The following CCDC141 variants were observed in gnomAD, a reference collection of about 807,000 sequenced individuals.
CCDC141 encodes coiled-coil domain containing 141, also known as coiled-coil domain-containing protein 141.
Under a neutral mutation model 181.0 loss-of-function variants are expected in CCDC141, and 168 were observed. The observed-to-expected ratio is 0.93, with a 90% CI of 0.82 to 1.05. The LOEUF (loss-of-function observed/expected upper bound fraction) is 1.05, where lower values mean the gene tolerates loss of function less well. Among genes scored for constraint, CCDC141 ranks in the 50% least tolerant of loss-of-function variants. The pLI is 0.00. For missense variants in CCDC141, 1,902 were observed against 1,788.5 expected (o/e 1.06, Z -1.14); for synonymous variants, 666 against 642.3 (o/e 1.04, Z -0.56).
At chr2:179,016,932 G>T (rs1237852114) in intron 2 of CCDC141, among the ~76,000 whole-genome samples, 3 of 151,960 alleles carry the variant, frequency 2.0e-5, no homozygotes, top group Admixed American at 1.3e-4. Context: ...GCAAATATTT[G>T]ATACAAAATA....
chr2:179,047,197 C>A, intron 2 of CCDC141, 87 bp downstream of exon 2: 4 of 1,244,288 alleles, frequency 3.2e-6, no homozygotes, highest in Non-Finnish European at 4.3e-6. Context: ...GGCCCTAGGC[C>A]AGTAACAGCA....
rs1353123097 is a variant in CCDC141 at position 178,910,994 on chromosome 2, C to T, written c.1093-5493G>A. 2.0e-5 allele frequency among the ~76,000 whole-genome samples: 3 copies of T among 152,264 alleles called. No homozygotes were observed. In the South Asian group the frequency reaches 6.2e-4, roughly 32 times the overall value. On this transcript the variant is annotated intron_variant, in intron 7 of 23. Transcript: ENST00000443758. ...TCTTGTTCTGAGGAATACAACTAGA[C>T]CCATTCAATAGCACTTTAGGCAGCT...
rs1313507695 is a variant in CCDC141 at position 178,833,178 on chromosome 2, A to C, written c.*995T>G. ...ACTCCTTTAATTTAATATTCTAAAA[A>C]AACAGCATCTAAAAAAAAAGAAATA... On this transcript the variant is annotated 3_prime_UTR_variant, in exon 24 of 24. Coordinates refer to ENST00000443758, the MANE Select transcript of CCDC141 (RefSeq NM_173648.4). The C allele has an allele frequency of 6.6e-6, 1 of 152,194 alleles. No individual in the cohort carries two copies. Among genetic ancestry groups the C allele is most frequent in the East Asian group, 1.9e-4 (1 of 5,202 alleles). The allele number at this position is 152,194 out of a possible 1,614,324, so 9.4% of individuals were successfully genotyped here. A position where few individuals can be genotyped will look rare whatever the true frequency, so the allele number is the denominator to read the frequency against.
At chr2:178,932,919 T>C (rs1689154683) in intron 6 of CCDC141, among the ~76,000 whole-genome samples, 1 of 152,140 alleles carries the variant, frequency 6.6e-6, no homozygotes, top group South Asian at 2.1e-4. Context: ...TTTATAAATA[T>C]TTTTTAACTT....
At chr2:179,015,436 T>C (rs933726610) in intron 2 of CCDC141, among the ~76,000 whole-genome samples, 4 of 129,244 alleles carry the variant, frequency 3.1e-5, no homozygotes, top group Non-Finnish European at 4.7e-5. Flanking sequence ...ATATGTACCA[T>C]ATATATCTCA....
intron 6 of CCDC141, among the ~76,000 whole-genome samples, chr2:178,941,308 C>G (rs778744597): frequency 1.2e-4 from 18 of 152,216 alleles, no homozygotes; most frequent in Non-Finnish European, 2.1e-4. Flanking sequence ...ACCACTCCCC[C>G]TTGTGCATAT....
At chr2:178,853,933 T>C (rs1488005769) in intron 19 of CCDC141, among the ~76,000 whole-genome samples, 2 of 152,214 alleles carry the variant, frequency 1.3e-5, no homozygotes, top group African/African-American at 2.4e-5. Flanking sequence ...AAGAGGAATG[T>C]TGCAGACTTA....
At chr2:178,978,375 C>A (rs929416512) in intron 3 of CCDC141, 109 bp downstream of exon 3, 13 of 664,208 alleles carry the variant, frequency 2.0e-5, no homozygotes, top group African/African-American at 7.5e-5. Flanking sequence ...GGTTATTCTG[C>A]CATTTTTTTA....
intron 7 of CCDC141, among the ~76,000 whole-genome samples, chr2:178,912,631 T>G (rs990442326): frequency 1.3e-5 from 2 of 152,164 alleles, no homozygotes; most frequent in African/African-American, 4.8e-5. Flanking sequence ...AATTAAGACA[T>G]CATCTGTTTC....
rs910717569 is a variant in CCDC141 at position 178,888,675 on chromosome 2, A to G, written c.1266-7T>C. ...GATGCCGGACACCTGAGAGCTGAACAGAGCAAGCCAGCTGTTAATTCACTC... is the reference window on the plus strand; with the variant it reads ...GATGCCGGACACCTGAGAGCTGAACGGAGCAAGCCAGCTGTTAATTCACTC... On this transcript the variant is annotated splice_region_variant and splice_polypyrimidine_tract_variant and intron_variant, in intron 8 of 23. Transcript: ENST00000443758. 3 of 1,550,334 alleles carry G rather than the reference A, an allele frequency of 1.9e-6. No homozygotes were observed. The African/African-American group carries it at 4.1e-5, about 21-fold the overall frequency.
At chr2:178,841,809 T>G (rs967647111) in intron 22 of CCDC141, among the ~76,000 whole-genome samples, 6 of 152,310 alleles carry the variant, frequency 3.9e-5, no homozygotes, top group South Asian at 2.1e-4. Flanking sequence ...ATTTTTGTAT[T>G]TTTAGTAGAG....
At chr2:178,954,366 C>T (rs1297573983) in intron 5 of CCDC141, among the ~76,000 whole-genome samples, 2 of 152,162 alleles carry the variant, frequency 1.3e-5, no homozygotes, top group Non-Finnish European at 2.9e-5. Context: ...AAATGTAAAA[C>T]AAGAGTGCAT....
chr2:178,834,608 T>C (rs1198558397), intron 23 of CCDC141, among the ~76,000 whole-genome samples, 168 bp from the exon 24 acceptor site: 1 of 152,058 alleles, frequency 6.6e-6, no homozygotes, highest in Non-Finnish European at 1.5e-5. Context: ...TCTTTTTTTC[T>C]TTAGTAGGCT....
intron 22 of CCDC141, among the ~76,000 whole-genome samples, chr2:178,840,995 T>C (rs1409635221): frequency 2.0e-5 from 3 of 152,218 alleles, no homozygotes; most frequent in Non-Finnish European, 2.9e-5. Flanking sequence ...AAGTAATCAG[T>C]GGAATCATCA....
intron 6 of CCDC141, among the ~76,000 whole-genome samples, chr2:178,930,132 T>TA (rs113192551): frequency 1.9e-4 from 29 of 151,272 alleles, no homozygotes; most frequent in Admixed American, 4.0e-4. Flanking sequence ...AAATCAACGT[T>TA]AAAAAAAAAT....
At chr2:178,970,087 G>C (rs1248384388) in intron 4 of CCDC141, among the ~76,000 whole-genome samples, 1 of 152,144 alleles carries the variant, frequency 6.6e-6, no homozygotes, top group Non-Finnish European at 1.5e-5. Flanking sequence ...CCTCTTCAGG[G>C]AAAACTACCA....
At chr2:179,031,691 C>T (rs2043004795) in intron 2 of CCDC141, among the ~76,000 whole-genome samples, 1 of 152,002 alleles carries the variant, frequency 6.6e-6, no homozygotes, top group Non-Finnish European at 1.5e-5. Flanking sequence ...TGTGGCTTGT[C>T]TTATGCATTT....
At chr2:178,970,913 A>C (rs1248680963) in intron 4 of CCDC141, among the ~76,000 whole-genome samples, 1 of 152,198 alleles carries the variant, frequency 6.6e-6, no homozygotes, top group Non-Finnish European at 1.5e-5. Context: ...AATTTAAACA[A>C]ATTTACAAGA....
intron 2 of CCDC141, among the ~76,000 whole-genome samples, chr2:178,998,104 TAAG>T (rs1215547315): frequency 1.8e-5 from 2 of 110,166 alleles, no homozygotes; most frequent in Admixed American, 1.7e-4. Context: ...GCAATATAAT[TAAG>T]AATATTTGTA....
Sources: allele counts gnomAD v4.1 joint callset (sites outside exome capture counted in the v4.1 genomes callset), GRCh38; gene constraint gnomAD v4.1.1; transcripts MANE v1.5; gene names NCBI Gene and HGNC (gene_info 2026-07-23, HGNC 2026-07-21).